CDH6: variants seen among roughly 807,000 people sequenced by gnomAD.
CDH6 encodes the protein cadherin-6.
CDH6 carries 31 observed loss-of-function variants against 78.0 expected under a neutral mutation model. The ratio of observed to expected loss-of-function variants is 0.40; its 90% CI spans 0.30 to 0.54. The LOEUF (loss-of-function observed/expected upper bound fraction) is 0.54. Among genes scored for constraint, CDH6 ranks in the 20% least tolerant of loss-of-function variants. The probability of loss-of-function intolerance (pLI) is 0.56; values close to 1 mark genes in which losing one functional copy is unlikely to be tolerated. For missense variants in CDH6, 724 were observed against 975.9 expected, an observed-to-expected ratio of 0.74 and a Z score of 3.44; for synonymous variants, 376 against 368.8, an observed-to-expected ratio of 1.02 and a Z score of -0.23.
At chr5:31,212,762 G>GCACACACACA (rs72457836) in intron 1 of CDH6, among the ~76,000 whole-genome samples, 7 of 148,180 alleles carry the variant, frequency 4.7e-5, no homozygotes, top group African/African-American at 1.7e-4. Context: ...ACATGAACGT[G>GCACACACACA]CACACACACA....
Position 31,326,234 on chromosome 5 carries a change from G to C in CDH6, c.*2926G>C. ...CATAACCAGATTGCTTTTGTGGGTT[G>C]TTTCAAGGACATTGAGAGCTTTCTG... On this transcript the variant is annotated 3_prime_UTR_variant, in exon 12 of 12. Transcript: ENST00000265071. 9.0e-6 allele frequency: 2 copies of C among 222,372 alleles called. No homozygotes were observed. The highest frequency in any genetic ancestry group is 5.8e-5 in the Admixed American group (1 of 17,378). 13.8% of individuals were successfully genotyped at this position (222,372 alleles called of 1,614,324 possible).
intron 1 of CDH6, among the ~76,000 whole-genome samples, chr5:31,245,404 C>A (rs764088717): frequency 5.3e-5 from 8 of 152,034 alleles, no homozygotes; most frequent in Non-Finnish European, 1.0e-4. Context: ...TTCCCTTTCT[C>A]TCTCTTTTCC....
intron 1 of CDH6, among the ~76,000 whole-genome samples, chr5:31,245,153 G>C (rs1345035443): frequency 1.3e-5 from 2 of 152,192 alleles, no homozygotes; most frequent in African/African-American, 4.8e-5. Context: ...ACCAAGCTGA[G>C]TTTGGAGGTT....
At chr5:31,243,162 G>T (rs1429142144) in intron 1 of CDH6, among the ~76,000 whole-genome samples, 1 of 152,076 alleles carries the variant, frequency 6.6e-6, no homozygotes, top group Non-Finnish European at 1.5e-5. Context: ...AGTTCTTCTG[G>T]TGTGAGAACC....
chr5:31,272,120 C>A (rs1355046266), intron 2 of CDH6, among the ~76,000 whole-genome samples: 1 of 152,154 alleles, frequency 6.6e-6, no homozygotes, highest in Non-Finnish European at 1.5e-5. Flanking sequence ...GGTGTTTGAA[C>A]CCCATCTAAA....
chr5:31,310,070 T>C (rs1030015982), intron 7 of CDH6, among the ~76,000 whole-genome samples: 7 of 152,222 alleles, frequency 4.6e-5, no homozygotes, highest in Non-Finnish European at 1.0e-4. Context: ...ATCCCAGCAT[T>C]AACTCAAAAG....
At position 31,299,540 on chromosome 5, in the gene CDH6, TATGGGCGGCCAG is replaced by T; in HGVS notation, c.726_737del (p.Gln244_Gly247del). 1 of 1,613,914 alleles carries T rather than the reference TATGGGCGGCCAG, an allele frequency of 6.2e-7. No homozygotes were observed. The highest frequency in any genetic ancestry group is 8.5e-7 in the Non-Finnish European group (1 of 1,179,850). On this transcript the variant is annotated inframe_deletion, in exon 5 of 12. Transcript: ENST00000265071. ...ACCAAGTGGTGATTCAAGCCAAGGA[TATGGGCGGCCAG>T]ATGGGAGGATTATCTGGGACCACCA... is the stretch of plus-strand genomic sequence containing the variant.
rs2149960029 is a variant in CDH6, at chr5:31,317,705, G to T, written c.1663G>T (p.Gly555Cys). Residue 555 changes from glycine to cysteine, a missense_variant, in exon 11 of 12, where the codon GGC becomes TGC. Transcript: ENST00000265071. ...NTAGILTRKN[G>C]YNRHEMSTYL... Reference sequence around the variant, plus strand: ...GGCGGGAATCTTAACTCGGAAAAATGGCTATAATAGACACGAGATGAGCAC... The same window carrying T: ...GGCGGGAATCTTAACTCGGAAAAATTGCTATAATAGACACGAGATGAGCAC... 6.2e-7 allele frequency: 1 copy of T among 1,612,604 alleles called. No individual in the cohort carries two copies. The highest frequency in any genetic ancestry group is 8.5e-7 in the Non-Finnish European group (1 of 1,178,704).
At chr5:31,201,289 C>A (rs1261575551) in intron 1 of CDH6, among the ~76,000 whole-genome samples, 2 of 152,022 alleles carry the variant, frequency 1.3e-5, no homozygotes, top group Non-Finnish European at 2.9e-5. Flanking sequence ...AAATATTGAC[C>A]ATTGCTAGGG....
At chr5:31,256,563 A>G (rs1221339097) in intron 1 of CDH6, among the ~76,000 whole-genome samples, 1 of 152,160 alleles carries the variant, frequency 6.6e-6, no homozygotes, top group Admixed American at 6.5e-5. Flanking sequence ...CATCTTTCCA[A>G]CCTGGCTGTC....
chr5:31,221,081 T>A (rs928234160), intron 1 of CDH6, among the ~76,000 whole-genome samples: 11 of 152,182 alleles, frequency 7.2e-5, no homozygotes, highest in Non-Finnish European at 1.3e-4. Context: ...AAATTGAATC[T>A]CTTGAGCAGA....
intron 1 of CDH6, among the ~76,000 whole-genome samples, chr5:31,222,622 T>C (rs780389552): frequency 2.0e-5 from 3 of 152,174 alleles, no homozygotes; most frequent in East Asian, 1.9e-4. Context: ...TTAATCCTCT[T>C]AATATCTATA....
intron 11 of CDH6, chr5:31,318,652 C>T (rs890871857): frequency 1.3e-5 from 3 of 229,968 alleles, no homozygotes; most frequent in African/African-American, 4.4e-5. Flanking sequence ...GATTTCTCAA[C>T]AGGTCCTTGA....
Position 31,304,187 on chromosome 5 carries a change from A to C in CDH6, c.1000-987A>C, listed in dbSNP as rs570214099. ...TCATGCAAAAAACAACAACAACAAAAAAAAAAAACTTTAATCTGTGTTGTC... is the reference window on the plus strand; with the variant it reads ...TCATGCAAAAAACAACAACAACAAACAAAAAAAACTTTAATCTGTGTTGTC... On this transcript the variant is annotated intron_variant, in intron 6 of 11. Transcript: ENST00000265071. 2.5e-3 allele frequency among the ~76,000 whole-genome samples: 380 copies of C among 152,238 alleles called. 2 individuals carry two copies. The highest frequency in any genetic ancestry group is 8.4e-3 in the African/African-American group (348 of 41,524).
chr5:31,232,536 C>CG (rs1186156652), intron 1 of CDH6, among the ~76,000 whole-genome samples: 1 of 152,146 alleles, frequency 6.6e-6, no homozygotes, highest in Non-Finnish European at 1.5e-5. Flanking sequence ...GCTGCACCCT[C>CG]GGTCCAGGAC....
intron 6 of CDH6, 99 bp from the exon 7 acceptor site, chr5:31,305,075 C>A: frequency 2.6e-6 from 3 of 1,174,880 alleles, no homozygotes; most frequent in Non-Finnish European, 3.6e-6. Context: ...TGATCGCATT[C>A]ATTTATCAGT....
chr5:31,220,812 G>A (rs1344455195), intron 1 of CDH6, among the ~76,000 whole-genome samples: 10 of 152,140 alleles, frequency 6.6e-5, no homozygotes, highest in Admixed American at 6.5e-4. Flanking sequence ...AAAACTGGGG[G>A]TGGGAAGATG....
At position 31,327,684 on chromosome 5, in the gene CDH6, G is replaced by C. The variant is rs1738650413; in HGVS notation, c.*4376G>C. On this transcript the variant is annotated 3_prime_UTR_variant, in exon 12 of 12. Transcript: ENST00000265071. ...CCAGAGAATATAGAATTATATTATG[G>C]TCTCCTTAAATGTTTAGTAGCTCTT... The C allele has an allele frequency of 9.9e-6, 2 of 201,462 alleles. No homozygotes were observed. Among genetic ancestry groups the C allele is most frequent in the Non-Finnish European group, 2.0e-5 (2 of 98,086 alleles). 12.5% of individuals were successfully genotyped at this position (201,462 alleles called of 1,614,324 possible). A position where few individuals can be genotyped will look rare whatever the true frequency, so the allele number is the denominator to read the frequency against.
At chr5:31,205,311 C>T (rs866422753) in intron 1 of CDH6, among the ~76,000 whole-genome samples, 30 of 152,292 alleles carry the variant, frequency 2.0e-4, no homozygotes, top group African/African-American at 6.7e-4. Flanking sequence ...TGACCACTTT[C>T]AAATGAGCCT....
Sources: allele counts gnomAD v4.1 joint callset (sites outside exome capture counted in the v4.1 genomes callset), GRCh38; gene constraint gnomAD v4.1.1; transcripts MANE v1.5; gene names NCBI Gene and HGNC (gene_info 2026-07-23, HGNC 2026-07-21).